MEFV: variants seen among roughly 807,000 people sequenced by gnomAD.
The protein encoded by MEFV is pyrin.
MEFV carries 60 observed loss-of-function variants against 62.5 expected under a neutral mutation model. That is an observed-to-expected ratio of 0.96 (90% confidence interval 0.78 to 1.19). The LOEUF (loss-of-function observed/expected upper bound fraction) is 1.19. MEFV is among the 50% of genes most tolerant of loss of function. The pLI, the probability that MEFV is intolerant of heterozygous loss-of-function variation, is 0.00. For missense variants in MEFV, 1,169 were observed against 1,004.5 expected (o/e 1.16, Z -2.21); for synonymous variants, 500 against 415.2 (o/e 1.20, Z -2.48).
In MEFV at chr16:3,254,654, T is replaced by TCCGCC; in HGVS notation, c.409_413dup (p.Ala140GlufsTer21). 6.2e-6 allele frequency: 10 copies of TCCGCC among 1,608,502 alleles called. No individual in the cohort carries two copies. Among genetic ancestry groups the TCCGCC allele is most frequent in the Non-Finnish European group, 8.5e-6 (10 of 1,178,228 alleles). On this transcript the variant is annotated frameshift_variant, in exon 2 of 10. Transcript: ENST00000219596. LOFTEE classifies it high-confidence loss of function. ...GCTGGCTGCACCGCAGGCTGGCAGC[T>TCCGCC]CCGCCCCCGTACGGCCGAGGGCCGT...
chr16:3,253,718 G>A (rs138408308), intron 2 of MEFV, among the ~76,000 whole-genome samples: 72 of 152,094 alleles, frequency 4.7e-4, no homozygotes, highest in Middle Eastern at 6.8e-3. Flanking sequence ...GTCTGGCTAC[G>A]TTGCTCAGGC....
At chr16:3,250,037 C>A (rs1343081786) in intron 2 of MEFV, among the ~76,000 whole-genome samples, 1 of 152,198 alleles carries the variant, frequency 6.6e-6, no homozygotes, top group Non-Finnish European at 1.5e-5. Context: ...AAAGAAAGAC[C>A]CATGGCCTTG....
At chr16:3,245,524 C>T (rs573435165) in intron 6 of MEFV, among the ~76,000 whole-genome samples, 2 of 152,142 alleles carry the variant, frequency 1.3e-5, no homozygotes, top group South Asian at 4.1e-4. Context: ...GTCCCAGCTA[C>T]TAGGGAGGCT....
In MEFV at chr16:3,256,411, G is replaced by C; in HGVS notation, c.177C>G (p.Thr59=). Residue 59 remains threonine (T), a synonymous_variant, in exon 1 of 10, where the codon ACC becomes ACG. Coordinates refer to ENST00000219596, the MANE Select transcript of MEFV (RefSeq NM_000243.3). ...GCACGGCGTACTCTTCCCCATAGTA[G>C]GTGACCAGCAGAGTGGCCATCTTCA... The part of the protein sequence containing the change: ...RPVKMATLLV[T]YYGEEYAVQL... 1 of 1,614,214 alleles carries C rather than the reference G, an allele frequency of 6.2e-7. No individual in the cohort carries two copies. The highest frequency in any genetic ancestry group is 1.1e-5 in the South Asian group (1 of 91,084).
chr16:3,252,100 AG>A, intron 2 of MEFV: 2 of 273,610 alleles, frequency 7.3e-6, no homozygotes, highest in East Asian at 2.0e-4. Context: ...AAAGAAAATT[AG>A]GGGGGAAATA....
Position 3,254,806 on chromosome 16 carries a change from G to A in MEFV, c.278-16C>T. 1 of 1,609,212 alleles carries A rather than the reference G, an allele frequency of 6.2e-7. No homozygotes were observed. Among genetic ancestry groups the A allele is most frequent in the South Asian group, 1.1e-5 (1 of 91,062 alleles). On this transcript the variant is annotated splice_polypyrimidine_tract_variant and intron_variant, in intron 1 of 9. Transcript: ENST00000219596. Reference sequence around the variant, plus strand: ...GTGGAATATTCTGGAAGGACAACCAGATGCAAAATGATGAAGCTGTCCCAC... The same window carrying A: ...GTGGAATATTCTGGAAGGACAACCAAATGCAAAATGATGAAGCTGTCCCAC...
chr16:3,254,876 G>C, intron 1 of MEFV, 86 bp from the exon 2 acceptor site: 2 of 1,594,022 alleles, frequency 1.3e-6, no homozygotes, highest in South Asian at 1.1e-5. Context: ...AATCCCCTTG[G>C]ATATTAAAGT....
chr16:3,253,589 C>CTGCA (rs1959069264), intron 2 of MEFV, among the ~76,000 whole-genome samples: 1 of 152,194 alleles, frequency 6.6e-6, no homozygotes, highest in Non-Finnish European at 1.5e-5. Flanking sequence ...CCTCAGCTCA[C>CTGCA]TGCAGCCTGG....
At chr16:3,244,343 C>A in intron 7 of MEFV, 57 bp from the exon 8 acceptor site, 1 of 1,612,968 alleles carries the variant, frequency 6.2e-7, no homozygotes, top group South Asian at 1.1e-5. Flanking sequence ...CAGCCAGGGA[C>A]AGATGGAGGA....
chr16:3,251,224 C>A (rs569103582), intron 2 of MEFV, among the ~76,000 whole-genome samples: 1 of 152,024 alleles, frequency 6.6e-6, no homozygotes, highest in Non-Finnish European at 1.5e-5. Flanking sequence ...CCTCCCATTG[C>A]CCCCCAAATG....
At position 3,249,100 on chromosome 16, in the gene MEFV, G is replaced by A. The variant is rs1596354403; in HGVS notation, c.1261-96C>T. On this transcript the variant is annotated intron_variant, in intron 3 of 9. Coordinates refer to ENST00000219596, the MANE Select transcript of MEFV (RefSeq NM_000243.3). ...GGGGAACATCTCCTTCTGGTAGCAA[G>A]GCTGAGGGTGCTGCTGCCAGCGGCA... 14 of 1,252,560 alleles carry A rather than the reference G, an allele frequency of 1.1e-5. No homozygotes were observed. The South Asian group carries it at 1.2e-4, about 11-fold the overall frequency. The allele number at this position is 1,252,560 out of a possible 1,614,324, so 77.6% of individuals were successfully genotyped here. A position where few individuals can be genotyped will look rare whatever the true frequency, so the allele number is the denominator to read the frequency against.
In MEFV at chr16:3,249,584, G is replaced by C. The variant is rs1276887157; in HGVS notation, c.1107C>G (p.Pro369=). 3 of 1,614,192 alleles carry C rather than the reference G, an allele frequency of 1.9e-6. No individual in the cohort carries two copies. The highest frequency in any genetic ancestry group is 4.5e-5 in the East Asian group (2 of 44,876). The part of the protein sequence containing the change: ...HERKSPGSLS[P]QPLPQCKRHL... ...GGCGCTTACACTGTGGCAGGGGCTG[G>C]GGGCTTAGGCTTCCCGGGCTCTTCC... The change falls in exon 3 of 10, where the codon CCC becomes CCG. Residue 369 remains proline, a synonymous_variant. Coordinates refer to ENST00000219596, the MANE Select transcript of MEFV (RefSeq NM_000243.3).
chr16:3,250,001 C>A (rs1432822440), intron 2 of MEFV, among the ~76,000 whole-genome samples: 2 of 152,192 alleles, frequency 1.3e-5, no homozygotes, highest in Non-Finnish European at 2.9e-5. Context: ...CATTCCTGAG[C>A]CTTGGAATTC....
rs1315227563 is a variant in MEFV, at chr16:3,242,999, G to T, written c.*142C>A. On this transcript the variant is annotated 3_prime_UTR_variant, in exon 10 of 10. Transcript: ENST00000219596. ...TCCTAACTTACCTCTGCTATAATCG[G>T]GTAGGCTCCGTGGGCACAGTAACTA... is the stretch of plus-strand genomic sequence containing the variant. 1.1e-6 allele frequency: 1 copy of T among 904,048 alleles called. No individual in the cohort carries two copies. Among genetic ancestry groups the T allele is most frequent in the Non-Finnish European group, 1.7e-6 (1 of 575,066 alleles). 56.0% of individuals were successfully genotyped at this position (904,048 alleles called of 1,614,324 possible). A position where few individuals can be genotyped will look rare whatever the true frequency, so the allele number is the denominator to read the frequency against.
intron 8 of MEFV, 157 bp downstream of exon 8, chr16:3,244,097 G>T: frequency 6.4e-7 from 1 of 1,552,364 alleles, no homozygotes; most frequent in Non-Finnish European, 8.7e-7. Flanking sequence ...AATGAGTCAC[G>T]CACAGAGCCT....
At position 3,249,705 on chromosome 16, in the gene MEFV, C is replaced by T. The variant is rs104895112; in HGVS notation, c.986G>A (p.Arg329His). 3,670 of 1,613,764 alleles carry T rather than the reference C, an allele frequency of 2.3e-3. 10 individuals are homozygous for T. The highest frequency in any genetic ancestry group is 2.5e-3 in the Non-Finnish European group (2,934 of 1,179,790). The change falls in exon 3 of 10, where the codon CGT (arginine) becomes CAT (histidine). Residue 329 changes from arginine (R) to histidine (H), a missense_variant. Coordinates refer to ENST00000219596, the MANE Select transcript of MEFV (RefSeq NM_000243.3). ...EGDPVDGTCV[R>H]DSCSFPEAVS... ...TGCCTCGGGGAAGCTGCAGGAATCA[C>T]GCACACAGGTACCGTCAACTGGGTC... is the stretch of plus-strand genomic sequence containing the variant.
chr16:3,246,897 T>C, intron 5 of MEFV, 119 bp downstream of exon 5: 1 of 994,760 alleles, frequency 1.0e-6, no homozygotes, highest in South Asian at 1.3e-5. Flanking sequence ...GACCAAGTCC[T>C]ATCCTAGGCC....
At chr16:3,244,146 G>A in intron 8 of MEFV, 108 bp downstream of exon 8, 1 of 1,542,148 alleles carries the variant, frequency 6.5e-7, no homozygotes, top group Non-Finnish European at 8.7e-7. Flanking sequence ...CTTTGCTCCA[G>A]GTGTTTGGTT....
Position 3,249,619 on chromosome 16 carries a change from A to G in MEFV, c.1072T>C (p.Ser358Pro). The part of the protein sequence containing the change: ...RSPGCPRCQD[S>P]HERKSPGSLS... ...CTTCCCGGGCTCTTCCTTTCATGGG[A>G]GTCCTGGCACCGGGGGCAGCCAGGT... Residue 358 changes from serine to proline, a missense_variant, in exon 3 of 10, where the codon TCC becomes CCC. Transcript: ENST00000219596. The G allele has an allele frequency of 2.5e-6, 4 of 1,614,050 alleles. No individual in the cohort carries two copies. Among genetic ancestry groups the G allele is most frequent in the Non-Finnish European group, 3.4e-6 (4 of 1,179,950 alleles).
Sources: allele counts gnomAD v4.1 joint callset (sites outside exome capture counted in the v4.1 genomes callset), GRCh38; gene constraint gnomAD v4.1.1; transcripts MANE v1.5; gene names NCBI Gene and HGNC (gene_info 2026-07-23, HGNC 2026-07-21).